The following DMD variants were observed in gnomAD, a reference collection of about 807,000 sequenced individuals.
DMD encodes the protein mutant dystrophin.
DMD carries 63 observed loss-of-function variants against 330.1 expected under a neutral mutation model. That is an observed-to-expected ratio of 0.19 (90% CI 0.16 to 0.24). The LOEUF is 0.24. Ranked by LOEUF, DMD falls within the 10% of genes least tolerant of loss-of-function variation. DMD has a pLI of 1.00. For synonymous variants in DMD, 1,223 were observed against 959.8 expected (o/e 1.27, Z -5.07); for missense variants, 3,344 against 2,684.1 (o/e 1.25, Z -5.43).
chrX:31,690,157 G>T (rs1457480146), intron 52 of DMD, among the ~76,000 whole-genome samples: 5 of 111,848 alleles, frequency 4.5e-5, no homozygotes, highest in Non-Finnish European at 9.4e-5. Flanking sequence ...CACAGCAAAA[G>T]AAACTACCAT....
chrX:31,760,945 T>A (rs1202668201), intron 51 of DMD, among the ~76,000 whole-genome samples: 1 of 100,035 alleles, frequency 1.0e-5, no homozygotes, highest in Non-Finnish European at 2.0e-5. Context: ...AGTTAGTATT[T>A]TTTTTTTTTT....
intron 62 of DMD, among the ~76,000 whole-genome samples, chrX:31,323,290 AT>A (rs1300505415): frequency 1.8e-5 from 2 of 111,995 alleles, no homozygotes; most frequent in Admixed American, 1.9e-4. Flanking sequence ...TCTCGCAAAG[AT>A]TGACTCCCAC....
At chrX:31,600,522 T>G (rs866135269) in intron 55 of DMD, among the ~76,000 whole-genome samples, 2 of 99,651 alleles carry the variant, frequency 2.0e-5, no homozygotes, top group Non-Finnish European at 4.1e-5. Flanking sequence ...TTTTTTTTTT[T>G]TTTTTTTTTT....
intron 20 of DMD, among the ~76,000 whole-genome samples, chrX:32,486,711 T>C (rs2042514626): frequency 9.5e-6 from 1 of 105,769 alleles, no homozygotes; most frequent in South Asian, 4.4e-4. Context: ...CCTACAACTA[T>C]CTGATCTTTG....
At chrX:31,927,690 G>A (rs974382717) in intron 47 of DMD, among the ~76,000 whole-genome samples, 7 of 109,538 alleles carry the variant, frequency 6.4e-5, no homozygotes, top group African/African-American at 2.3e-4. Flanking sequence ...ACACTTAAGC[G>A]CACATTATGG....
chrX:32,402,383 T>C (rs187316791), intron 30 of DMD, among the ~76,000 whole-genome samples: 123 of 111,572 alleles, frequency 1.1e-3, no homozygotes, highest in African/African-American at 3.9e-3. Context: ...AAACATATAG[T>C]CAATGAACAA....
rs56329666 is a variant in DMD, at chrX:32,301,222, T to TAA, written c.6117+8858_6117+8859dup. Among the ~76,000 whole-genome samples the TAA allele has an allele frequency of 1.9e-4, 14 of 74,664 alleles. 1 individual carries two copies. Among genetic ancestry groups the TAA allele is most frequent in the South Asian group, 7.3e-4 (1 of 1,373 alleles). The allele number at this position is 74,664 out of a possible 115,157, so 64.8% of individuals were successfully genotyped here. On this transcript the variant is annotated intron_variant, in intron 42 of 78. Coordinates refer to ENST00000357033, the MANE Select transcript of DMD (RefSeq NM_004006.3). ...TGTTCTGTACCCAAATGCATACATC[T>TAA]AAAAAAAAAAAAAAAAGAAAGAAAA...
intron 9 of DMD, among the ~76,000 whole-genome samples, chrX:32,666,702 G>T (rs889050051): frequency 5.5e-5 from 6 of 109,712 alleles, no homozygotes; most frequent in Non-Finnish European, 1.1e-4. Flanking sequence ...GGTGGTGGGT[G>T]CCTGTAGTCC....
chrX:31,529,885 G>T (rs1191133005), intron 55 of DMD, among the ~76,000 whole-genome samples: 1 of 96,042 alleles, frequency 1.0e-5, no homozygotes, highest in Non-Finnish European at 2.1e-5. Flanking sequence ...CTTCTTGAAA[G>T]AAAGATTTCT....
intron 1 of DMD, among the ~76,000 whole-genome samples, chrX:33,221,076 G>A (rs1603420930): frequency 9.0e-6 from 1 of 111,465 alleles, no homozygotes; most frequent in Non-Finnish European, 1.9e-5. Context: ...TATGCTAAAA[G>A]AAATTATGAA....
chrX:32,661,500 A>T (rs2060944092), intron 9 of DMD, among the ~76,000 whole-genome samples: 1 of 111,620 alleles, frequency 9.0e-6, no homozygotes, highest in Non-Finnish European at 1.9e-5. Context: ...CTGAATATTA[A>T]CTTGTTGCCA....
At chrX:32,412,349 T>A in intron 29 of DMD, 1 of 500,452 alleles carries the variant, frequency 2.0e-6, no homozygotes, top group South Asian at 2.9e-5. Context: ...GAGATACATG[T>A]ACAATCTGTT....
chrX:33,099,517 T>A (rs2095215253), intron 1 of DMD, among the ~76,000 whole-genome samples: 1 of 111,458 alleles, frequency 9.0e-6, no homozygotes, highest in Non-Finnish European at 1.9e-5. Context: ...CTTGCTGATC[T>A]CTGATAGATA....
intron 62 of DMD, among the ~76,000 whole-genome samples, chrX:31,265,518 G>A (rs1166993586): frequency 3.6e-5 from 4 of 110,742 alleles, no homozygotes; most frequent in Non-Finnish European, 7.6e-5. Flanking sequence ...GTTGTCCTCC[G>A]TTTTATTTGC....
At chrX:32,205,005 T>TCTCTCTCTCTCTCTCTCACACA (rs60181300) in intron 44 of DMD, among the ~76,000 whole-genome samples, 3 of 29,224 alleles carry the variant, frequency 1.0e-4, no homozygotes, top group African/African-American at 1.1e-4. Flanking sequence ...TCTCTCTCTC[T>TCTCTCTCTCTCTCTCTCACACA]CACATACACA....
intron 59 of DMD, among the ~76,000 whole-genome samples, chrX:31,464,596 C>T (rs2066730968): frequency 8.9e-6 from 1 of 112,269 alleles, no homozygotes; most frequent in Non-Finnish European, 1.9e-5. Flanking sequence ...TGTTTTAAAT[C>T]GTTTGTTTGG....
intron 41 of DMD, among the ~76,000 whole-genome samples, chrX:32,336,041 CGTGTATATATAACGTTATATATAACGT>C (rs1358708027): frequency 1.6e-4 from 16 of 99,441 alleles, no homozygotes; most frequent in East Asian, 3.3e-4. Context: ...TTATATATAA[CGTGTATATATAACGTTATATATAACGT>C]GTGTATAACA....
At chrX:31,195,927 G>T (rs2042840734) in intron 67 of DMD, among the ~76,000 whole-genome samples, 1 of 111,552 alleles carries the variant, frequency 9.0e-6, no homozygotes, top group Non-Finnish European at 1.9e-5. Context: ...GAAGGATGAA[G>T]ATGGAAAACA....
At chrX:32,789,990 T>C (rs1462435205) in intron 7 of DMD, among the ~76,000 whole-genome samples, 1 of 112,044 alleles carries the variant, frequency 8.9e-6, no homozygotes, top group East Asian at 2.8e-4. Flanking sequence ...TGTAATAATA[T>C]ATAAAATTCC....
Sources: gnomAD v4.1 joint callset for allele counts (sites outside exome capture counted in the v4.1 genomes callset) on GRCh38, gnomAD v4.1.1 for gene constraint, MANE v1.5 for transcripts, NCBI Gene and HGNC (gene_info 2026-07-23, HGNC 2026-07-21) for gene names.